FTO: variants seen among roughly 807,000 people sequenced by gnomAD.
FTO encodes FTO alpha-ketoglutarate dependent dioxygenase.
In FTO, 47 loss-of-function variants were observed where a neutral mutation model predicts 63.9. That is an observed-to-expected ratio of 0.74 (90% CI 0.58 to 0.94). The LOEUF is 0.94. Ranked by LOEUF, FTO falls within the 40% of genes least tolerant of loss-of-function variation. FTO has a pLI of 0.00. For missense variants in FTO, 562 were observed against 618.1 expected (o/e 0.91, Z 0.96); for synonymous variants, 207 against 224.4 (o/e 0.92, Z 0.69).
In FTO at chr16:54,119,364, T is replaced by A. The variant is rs1354385145; in HGVS notation, c.*7449T>A. On this transcript the variant is annotated 3_prime_UTR_variant, in exon 9 of 9. Coordinates refer to ENST00000471389, the MANE Select transcript of FTO (RefSeq NM_001080432.3). ...CAAGGCTTGCAAGAGATGAATCAGT[T>A]TCTCAGACAGCCAAAGCCGTGGCTT... 6.6e-6 allele frequency: 1 copy of A among 152,196 alleles called. No individual in the cohort carries two copies. The highest frequency in any genetic ancestry group is 2.4e-5 in the African/African-American group (1 of 41,440). 9.4% of individuals were successfully genotyped at this position (152,196 alleles called of 1,614,324 possible).
intron 8 of FTO, among the ~76,000 whole-genome samples, chr16:54,027,607 G>A (rs12449142): frequency 2.6e-5 from 4 of 152,072 alleles, no homozygotes; most frequent in African/African-American, 9.7e-5. Context: ...CATGAGTTTA[G>A]GTCTGCTGGG....
intron 1 of FTO, among the ~76,000 whole-genome samples, chr16:53,722,226 G>A (rs563009830): frequency 3.5e-4 from 54 of 152,224 alleles, no homozygotes; most frequent in African/African-American, 1.3e-3. Context: ...TGTGGTTGAC[G>A]TTAGGTCATA....
At chr16:54,073,073 A>G (rs1166452537) in intron 8 of FTO, among the ~76,000 whole-genome samples, 5 of 152,342 alleles carry the variant, frequency 3.3e-5, no homozygotes, top group African/African-American at 1.2e-4. Context: ...CACTAGGCAC[A>G]TAGTAGGTTC....
chr16:53,900,947 G>T (rs2081390016), intron 7 of FTO, among the ~76,000 whole-genome samples: 2 of 152,062 alleles, frequency 1.3e-5, no homozygotes, highest in South Asian at 2.1e-4. Context: ...TTTCTCTAAT[G>T]CATTTCTTTG....
intron 1 of FTO, among the ~76,000 whole-genome samples, chr16:53,727,838 T>C (rs1418391864): frequency 6.6e-6 from 1 of 152,206 alleles, no homozygotes; most frequent in Admixed American, 6.5e-5. Flanking sequence ...AAGGAGGTAC[T>C]GTTTGTAAAG....
At chr16:53,760,944 T>A (rs8061812) in intron 1 of FTO, among the ~76,000 whole-genome samples, 46,683 of 151,690 alleles carry the variant, frequency 0.31, 9,710 homozygotes, top group African/African-American at 0.6. Context: ...ATCTTTCACA[T>A]TGACTTTGAC....
At chr16:53,728,894 T>G (rs1036556074) in intron 1 of FTO, among the ~76,000 whole-genome samples, 2 of 151,714 alleles carry the variant, frequency 1.3e-5, no homozygotes, top group African/African-American at 4.8e-5. Flanking sequence ...TCCAAGTAGC[T>G]GGGACTACAG....
chr16:53,979,630 C>G (rs1421891552), intron 8 of FTO: 8 of 388,162 alleles, frequency 2.1e-5, no homozygotes, highest in African/African-American at 1.7e-4. Context: ...TACATGTTAA[C>G]TGTTAACAGC....
intron 7 of FTO, among the ~76,000 whole-genome samples, chr16:53,921,230 C>T (rs2081999343): frequency 1.3e-5 from 2 of 152,176 alleles, no homozygotes. Context: ...CGTCCCCTTT[C>T]AAAGGCCATC....
intron 7 of FTO, among the ~76,000 whole-genome samples, chr16:53,906,302 T>A (rs1338392898): frequency 6.6e-6 from 1 of 152,164 alleles, no homozygotes; most frequent in Admixed American, 6.5e-5. Context: ...TCCCAAGTAA[T>A]CCTGACATGT....
chr16:54,083,540 A>G (rs1322715521), intron 8 of FTO, among the ~76,000 whole-genome samples: 1 of 152,194 alleles, frequency 6.6e-6, no homozygotes, highest in Non-Finnish European at 1.5e-5. Flanking sequence ...GACTACAATA[A>G]TATGCCAGTT....
chr16:53,718,216 TG>T (rs1343818626), intron 1 of FTO, among the ~76,000 whole-genome samples: 8 of 152,250 alleles, frequency 5.3e-5, no homozygotes, highest in African/African-American at 1.7e-4. Context: ...TTTGTTCAAT[TG>T]GGCACCATTT....
chr16:54,061,540 C>T (rs1379001953), intron 8 of FTO: 1 of 152,098 alleles, frequency 6.6e-6, no homozygotes, highest in Non-Finnish European at 1.5e-5. Flanking sequence ...AAAACTCAGA[C>T]AGTGAGTGCT....
At chr16:53,862,226 C>T (rs1029775173) in intron 4 of FTO, among the ~76,000 whole-genome samples, 7 of 151,900 alleles carry the variant, frequency 4.6e-5, no homozygotes, top group Non-Finnish European at 7.4e-5. Flanking sequence ...CCAGCCTGGG[C>T]GATTAGTGAG....
At chr16:53,789,170 C>A (rs1400383274) in intron 1 of FTO, among the ~76,000 whole-genome samples, 18 of 152,178 alleles carry the variant, frequency 1.2e-4, no homozygotes, top group Admixed American at 1.2e-3. Flanking sequence ...GGAAATGGAA[C>A]CATTGGCATA....
At chr16:53,709,767 A>G (rs1196017844) in intron 1 of FTO, among the ~76,000 whole-genome samples, 2 of 152,186 alleles carry the variant, frequency 1.3e-5, no homozygotes, top group South Asian at 2.1e-4. Flanking sequence ...CTCGCCATAT[A>G]TATCCACATG....
At chr16:53,811,649 C>T (rs1170862904) in intron 2 of FTO, among the ~76,000 whole-genome samples, 2 of 152,188 alleles carry the variant, frequency 1.3e-5, no homozygotes, top group Non-Finnish European at 2.9e-5. Flanking sequence ...CTTCAAATCC[C>T]ACATCATTGA....
At chr16:54,066,898 C>A (rs1057443415) in intron 8 of FTO, among the ~76,000 whole-genome samples, 17 of 152,202 alleles carry the variant, frequency 1.1e-4, no homozygotes, top group African/African-American at 4.1e-4. Flanking sequence ...ACTGCACAGC[C>A]AAGTATGCTG....
intron 8 of FTO, among the ~76,000 whole-genome samples, chr16:54,092,263 A>G (rs1350632959): frequency 6.6e-6 from 1 of 152,218 alleles, no homozygotes; most frequent in Non-Finnish European, 1.5e-5. Flanking sequence ...AGCTTGGGCA[A>G]CAGAGTAAGA....
Sources: allele counts gnomAD v4.1 joint callset (sites outside exome capture counted in the v4.1 genomes callset), GRCh38; gene constraint gnomAD v4.1.1; transcripts MANE v1.5; gene names NCBI Gene and HGNC (gene_info 2026-07-23, HGNC 2026-07-21).